ROBO1: variants seen among roughly 807,000 people sequenced by gnomAD.
ROBO1 encodes the protein roundabout homolog 1.
In ROBO1, 149 loss-of-function variants were observed where a neutral mutation model predicts 195.9. The ratio of observed to expected loss-of-function variants is 0.76; its 90% CI spans 0.67 to 0.87. The LOEUF (loss-of-function observed/expected upper bound fraction) is 0.87. Ranked by LOEUF, ROBO1 falls within the 40% of genes least tolerant of loss-of-function variation. ROBO1 has a pLI of 0.00. For missense variants in ROBO1, 1,933 were observed against 2,068.3 expected (o/e 0.93, Z 1.27); for synonymous variants, 816 against 733.2 (o/e 1.11, Z -1.82).
chr3:79,507,879 A>G lies in ROBO1; in HGVS notation c.88+81945T>C, dbSNP rs141557356. On this transcript the variant is annotated intron_variant, in intron 2 of 30. Transcript: ENST00000464233. ...TGTTGAAAGAGATAATTAGGCTAAT[A>G]TAAGTCTGGTAGAGTGAGCTCTAAT... The G allele has an allele frequency of 2.7e-3, 418 of 154,886 alleles. 2 individuals are homozygous for G. The highest frequency in any genetic ancestry group is 9.6e-3 in the African/African-American group (398 of 41,650). The allele number at this position is 154,886 out of a possible 1,614,324, so 9.6% of individuals were successfully genotyped here. A position where few individuals can be genotyped will look rare whatever the true frequency, so the allele number is the denominator to read the frequency against.
At chr3:79,605,901 A>G (rs1204419240) in intron 1 of ROBO1, among the ~76,000 whole-genome samples, 6 of 151,784 alleles carry the variant, frequency 4.0e-5, no homozygotes, top group Non-Finnish European at 7.4e-5. Context: ...GGCTTTTTCA[A>G]TGCTTTCGAG....
chr3:79,368,598 A>G (rs775734982), intron 2 of ROBO1, among the ~76,000 whole-genome samples: 1 of 152,004 alleles, frequency 6.6e-6, no homozygotes, highest in Non-Finnish European at 1.5e-5. Context: ...TGAGAACCAG[A>G]CTTTCCCTAA....
At chr3:79,196,678 T>A (rs1442245631) in intron 2 of ROBO1, among the ~76,000 whole-genome samples, 1 of 151,786 alleles carries the variant, frequency 6.6e-6, no homozygotes, top group African/African-American at 2.4e-5. Context: ...TTGGAATGTG[T>A]AACTGCTAAC....
intron 2 of ROBO1, among the ~76,000 whole-genome samples, chr3:79,305,924 T>G (rs1486628671): frequency 6.6e-6 from 1 of 152,132 alleles, no homozygotes; most frequent in Non-Finnish European, 1.5e-5. Context: ...TGAAAAAAAT[T>G]GAAAAACTAT....
intron 10 of ROBO1, among the ~76,000 whole-genome samples, chr3:78,672,786 T>C (rs1025152624): frequency 3.3e-5 from 5 of 152,196 alleles, no homozygotes; most frequent in Admixed American, 6.5e-5. Context: ...ACAAACCTTA[T>C]ATTCAGGTCT....
In ROBO1 at chr3:78,661,112, G is replaced by A. The variant is rs35607315; in HGVS notation, c.2238C>T (p.Asn746=). ...AAAAAGGGCGAGCCTTAATTTCATA[G>A]TTGACTCCCTTTCTGAGATCAGGGA... ...VVIPDLRKGV[N]YEIKARPFFN... is the part of the protein sequence containing the mutation. The change falls in exon 16 of 31, where the codon AAC becomes AAT. Residue 746 remains asparagine, a synonymous_variant. Transcript: ENST00000464233. 143 of 1,613,524 alleles carry A rather than the reference G, an allele frequency of 8.9e-5. 1 individual carries two copies. The African/African-American group carries it at 1.5e-3, about 17-fold the overall frequency.
chr3:78,748,841 C>T lies in ROBO1; in HGVS notation c.500-1941G>A, dbSNP rs879101289. 5.9e-5 allele frequency among the ~76,000 whole-genome samples: 9 copies of T among 152,170 alleles called. No individual in the cohort carries two copies. The East Asian group carries it at 9.6e-4, about 16-fold the overall frequency. ...TCAAAGAGAAGACCTTCTTTCTTAT[C>T]TTTGGAAAGAACAGTAAAAGGAAAA... On this transcript the variant is annotated intron_variant, in intron 4 of 30. Transcript: ENST00000464233.
At chr3:79,355,601 C>G (rs1469862157) in intron 2 of ROBO1, among the ~76,000 whole-genome samples, 1 of 152,146 alleles carries the variant, frequency 6.6e-6, no homozygotes, top group African/African-American at 2.4e-5. Flanking sequence ...AACCACTGTT[C>G]TACTCTCTAA....
At chr3:78,602,603 G>C (rs1703242288) in intron 29 of ROBO1, among the ~76,000 whole-genome samples, 1 of 152,150 alleles carries the variant, frequency 6.6e-6, no homozygotes, top group African/African-American at 2.4e-5. Context: ...GTCATAAGGG[G>C]AGGTATTTTG....
intron 1 of ROBO1, among the ~76,000 whole-genome samples, chr3:79,644,914 A>T (rs1011075245): frequency 2.6e-5 from 4 of 152,202 alleles, no homozygotes; most frequent in Non-Finnish European, 4.4e-5. Context: ...GAGGATTATA[A>T]GAAATTACAC....
chr3:78,929,106 T>C (rs1003793567), intron 4 of ROBO1, among the ~76,000 whole-genome samples: 2 of 152,172 alleles, frequency 1.3e-5, no homozygotes, highest in African/African-American at 4.8e-5. Context: ...AACTTGATCA[T>C]AAACTTTTAT....
intron 4 of ROBO1, among the ~76,000 whole-genome samples, chr3:78,750,193 C>T (rs891034568): frequency 7.9e-5 from 12 of 152,142 alleles, no homozygotes; most frequent in African/African-American, 2.4e-4. Context: ...CAGTGGCTCA[C>T]GCCTGTAATC....
chr3:78,780,285 C>G (rs139783383), intron 4 of ROBO1, among the ~76,000 whole-genome samples: 186 of 152,244 alleles, frequency 1.2e-3, no homozygotes, highest in Non-Finnish European at 2.2e-3. Context: ...GTCTTATTAA[C>G]TGAGACTGCA....
intron 1 of ROBO1, among the ~76,000 whole-genome samples, chr3:79,692,002 T>A (rs1456983250): frequency 1.3e-5 from 2 of 151,822 alleles, no homozygotes; most frequent in Non-Finnish European, 2.9e-5. Context: ...GACATAATTT[T>A]TATAGAGGAA....
intron 1 of ROBO1, among the ~76,000 whole-genome samples, chr3:79,722,525 C>T (rs923921159): frequency 1.3e-5 from 2 of 152,194 alleles, no homozygotes; most frequent in Admixed American, 6.5e-5. Context: ...ATTTTGTTAA[C>T]CCCGAGTAGC....
chr3:79,713,545 A>C (rs1389802466), intron 1 of ROBO1, among the ~76,000 whole-genome samples: 1 of 152,142 alleles, frequency 6.6e-6, no homozygotes, highest in Non-Finnish European at 1.5e-5. Flanking sequence ...AAATAACAAT[A>C]GAACTAGAAT....
In ROBO1 at chr3:78,888,049, T is replaced by G. The variant is rs1314310232; in HGVS notation, c.499+50552A>C. On this transcript the variant is annotated intron_variant, in intron 4 of 30. Coordinates refer to ENST00000464233, the MANE Select transcript of ROBO1 (RefSeq NM_002941.4). ...TCATAAGGAAACTGCATTGCACAAATGCATACAACTTCCAATTAAACAACA... is the reference window on the plus strand; with the variant it reads ...TCATAAGGAAACTGCATTGCACAAAGGCATACAACTTCCAATTAAACAACA... 2.6e-5 allele frequency among the ~76,000 whole-genome samples: 4 copies of G among 152,326 alleles called. No individual in the cohort carries two copies. In the East Asian group the frequency reaches 7.7e-4, roughly 29 times the overall value.
chr3:78,701,395 G>T (rs145909447), intron 8 of ROBO1, among the ~76,000 whole-genome samples: 2 of 152,162 alleles, frequency 1.3e-5, no homozygotes, highest in East Asian at 3.9e-4. Flanking sequence ...GAAAAGCGAT[G>T]TGAGGCAACA....
chr3:78,608,773 T>A (rs1369230170), intron 28 of ROBO1, among the ~76,000 whole-genome samples: 2 of 151,700 alleles, frequency 1.3e-5, no homozygotes, highest in Non-Finnish European at 2.9e-5. Context: ...TATTTCAGGA[T>A]CAATGAAATA....
Sources: gnomAD v4.1 joint callset for allele counts (sites outside exome capture counted in the v4.1 genomes callset) on GRCh38, gnomAD v4.1.1 for gene constraint, MANE v1.5 for transcripts, NCBI Gene and HGNC (gene_info 2026-07-23, HGNC 2026-07-21) for gene names.